The following MCPH1 variants were observed in gnomAD, a reference collection of about 807,000 sequenced individuals.
MCPH1 encodes the protein microcephalin 1, also known as microcephalin.
MCPH1 carries 104 observed loss-of-function variants against 84.5 expected under a neutral mutation model. That is an observed-to-expected ratio of 1.23 (90% CI 1.05 to 1.45). The LOEUF is 1.45. Among genes scored for constraint, MCPH1 ranks in the 40% most tolerant of loss-of-function variants. The pLI is 0.00. For missense variants in MCPH1, 1,498 were observed against 1,005.7 expected (o/e 1.49, Z -6.62); for synonymous variants, 514 against 366.8 (o/e 1.40, Z -4.58).
At chr8:6,507,176 G>A (rs1243692001) in intron 12 of MCPH1, among the ~76,000 whole-genome samples, 1 of 152,206 alleles carries the variant, frequency 6.6e-6, no homozygotes, top group African/African-American at 2.4e-5. Flanking sequence ...GGGATTACAA[G>A]CGGGGGCCAC....
intron 13 of MCPH1, among the ~76,000 whole-genome samples, chr8:6,636,456 A>G (rs1397343495): frequency 3.9e-5 from 6 of 152,106 alleles, no homozygotes; most frequent in African/African-American, 7.2e-5. Context: ...TTCCATGTAC[A>G]CAGACTTTGT....
At chr8:6,622,960 C>T (rs969486512) in intron 13 of MCPH1, among the ~76,000 whole-genome samples, 4 of 151,990 alleles carry the variant, frequency 2.6e-5, no homozygotes, top group Non-Finnish European at 5.9e-5. Flanking sequence ...CCTGCCTCAG[C>T]CTCCCAAGTA....
chr8:6,471,423 A>G (rs1807699228), intron 9 of MCPH1, among the ~76,000 whole-genome samples: 1 of 152,210 alleles, frequency 6.6e-6, no homozygotes, highest in South Asian at 2.1e-4. Flanking sequence ...ACAGTTTCAC[A>G]ATTCTGGAGG....
Position 6,477,182 on chromosome 8 carries a change from C to T in MCPH1, c.1936-412C>T, listed in dbSNP as rs1808582459. On this transcript the variant is annotated intron_variant, in intron 9 of 13. Transcript: ENST00000344683. The stretch of plus-strand genomic sequence containing the variant: ...CAACAGAAGCACAAGCATTATTGTG[C>T]ACCTGTGTCTGAAATGAGAATGAGG... 1.6e-5 allele frequency: 3 copies of T among 184,032 alleles called. 1 individual carries two copies. The South Asian group carries it at 3.7e-4, about 23-fold the overall frequency. 11.4% of individuals were successfully genotyped at this position (184,032 alleles called of 1,614,324 possible). A position where few individuals can be genotyped will look rare whatever the true frequency, so the allele number is the denominator to read the frequency against.
chr8:6,509,947 C>G (rs1279105643), intron 12 of MCPH1, among the ~76,000 whole-genome samples: 1 of 152,178 alleles, frequency 6.6e-6, no homozygotes, highest in African/African-American at 2.4e-5. Context: ...CATCGTGCCA[C>G]ATATCACTAG....
rs747252085 is a variant in MCPH1, at chr8:6,445,024, G to C, written c.1302G>C (p.Gln434His). ...CAGAGAATCTTCCTCCTGAATCTCA[G>C]CTGCCATCAAGCCCTGCTCAGTTGA... Reference protein sequence around the residue: ...RYSENLPPESQLPSSPAQLSC... With the variant: ...RYSENLPPESHLPSSPAQLSC... Residue 434 changes from glutamine (Q) to histidine (H), a missense_variant, in exon 8 of 14, where the codon CAG (glutamine) becomes CAC (histidine). Gln to His is a conservative substitution (Grantham distance 24). Coordinates refer to ENST00000344683, the MANE Select transcript of MCPH1 (RefSeq NM_024596.5). The C allele has an allele frequency of 6.2e-7, 1 of 1,614,190 alleles. No individual in the cohort carries two copies. Among genetic ancestry groups the C allele is most frequent in the South Asian group, 1.1e-5 (1 of 91,080 alleles).
At chr8:6,613,620 G>A (rs748309791) in intron 12 of MCPH1, among the ~76,000 whole-genome samples, 9 of 151,976 alleles carry the variant, frequency 5.9e-5, no homozygotes, top group Non-Finnish European at 1.3e-4. Flanking sequence ...GAGCCCAAGG[G>A]ACCGGGGGGT....
At chr8:6,604,742 G>A (rs3020251) in intron 12 of MCPH1, among the ~76,000 whole-genome samples, 3 of 152,214 alleles carry the variant, frequency 2.0e-5, no homozygotes, top group Non-Finnish European at 2.9e-5. Context: ...TGACCTCAGG[G>A]GATCTGCCTG....
chr8:6,413,109 A>G (rs1202345428), intron 2 of MCPH1, among the ~76,000 whole-genome samples: 1 of 152,172 alleles, frequency 6.6e-6, no homozygotes, highest in East Asian at 1.9e-4. Context: ...AAAATTTTTG[A>G]CACCATGAGT....
At chr8:6,579,754 C>T (rs1195545146) in intron 12 of MCPH1, among the ~76,000 whole-genome samples, 8 of 152,186 alleles carry the variant, frequency 5.3e-5, no homozygotes, top group Admixed American at 1.3e-4. Context: ...AGCCCCAAAG[C>T]ACGTGTCGCC....
At chr8:6,628,381 G>C (rs1024607120) in intron 13 of MCPH1, among the ~76,000 whole-genome samples, 1 of 141,982 alleles carries the variant, frequency 7.0e-6, no homozygotes, top group Middle Eastern at 3.7e-3. Flanking sequence ...TGAGGCAGGA[G>C]AATGCATGAA....
rs1473584722 is a variant in MCPH1 at position 6,445,342 on chromosome 8, T to C, written c.1620T>C (p.Asp540=). 1 of 1,614,232 alleles carries C rather than the reference T, an allele frequency of 6.2e-7. No individual in the cohort carries two copies. Among genetic ancestry groups the C allele is most frequent in the Non-Finnish European group, 8.5e-7 (1 of 1,180,044 alleles). The part of the protein sequence containing the change: ...EDPALPKGHD[D]DLTPLEGSLE... ...CTGCTCTTCCAAAAGGACATGATGATGATTTAACTCCTTTGGAAGGAAGCC... is the reference window on the plus strand; with the variant it reads ...CTGCTCTTCCAAAAGGACATGATGACGATTTAACTCCTTTGGAAGGAAGCC... The change falls in exon 8 of 14, where the codon GAT becomes GAC. Residue 540 remains aspartate, a synonymous_variant. Coordinates refer to ENST00000344683, the MANE Select transcript of MCPH1 (RefSeq NM_024596.5).
chr8:6,580,659 A>C (rs1827495599), intron 12 of MCPH1, among the ~76,000 whole-genome samples: 1 of 152,102 alleles, frequency 6.6e-6, no homozygotes, highest in South Asian at 2.1e-4. Context: ...TCAACCACAA[A>C]AACAAAAACA....
intron 12 of MCPH1, among the ~76,000 whole-genome samples, chr8:6,544,071 C>T (rs1257402830): frequency 6.6e-6 from 1 of 152,152 alleles, no homozygotes; most frequent in East Asian, 1.9e-4. Context: ...TATTCAATAC[C>T]TAGATGATGT....
chr8:6,647,840 T>A lies in MCPH1; in HGVS notation c.*4791T>A, dbSNP rs1798286613. 6.6e-6 allele frequency: 1 copy of A among 152,204 alleles called. No individual in the cohort carries two copies. Among genetic ancestry groups the A allele is most frequent in the African/African-American group, 2.4e-5 (1 of 41,448 alleles). 9.4% of individuals were successfully genotyped at this position (152,204 alleles called of 1,614,324 possible). On this transcript the variant is annotated 3_prime_UTR_variant, in exon 14 of 14. Coordinates refer to ENST00000344683, the MANE Select transcript of MCPH1 (RefSeq NM_024596.5). The stretch of plus-strand genomic sequence containing the variant: ...TTGTGATTTTGGTTACACAACTGTA[T>A]ACATTTACTAAAATCAATGAACAGA...
At chr8:6,571,118 T>A (rs1267396631) in intron 12 of MCPH1, among the ~76,000 whole-genome samples, 1 of 151,962 alleles carries the variant, frequency 6.6e-6, no homozygotes, top group Non-Finnish European at 1.5e-5. Flanking sequence ...TATCTTCCCA[T>A]CAAAAAAATG....
chr8:6,632,676 GCA>G (rs1797253702), intron 13 of MCPH1, among the ~76,000 whole-genome samples: 1 of 152,106 alleles, frequency 6.6e-6, no homozygotes, highest in Non-Finnish European at 1.5e-5. Flanking sequence ...GGCCGTGGTG[GCA>G]CGTGCCTGTA....
chr8:6,616,128 C>T (rs1232403544), intron 12 of MCPH1: 1 of 152,150 alleles, frequency 6.6e-6, no homozygotes, highest in Non-Finnish European at 1.5e-5. Flanking sequence ...GCGAGTATTT[C>T]CTGGACCACT....
intron 12 of MCPH1, chr8:6,532,328 T>G (rs767497416): frequency 3.1e-6 from 5 of 1,614,062 alleles, no homozygotes; most frequent in African/African-American, 2.7e-5. Context: ...GTGGCATTAC[T>G]TACTTGGGCT....
Sources: gnomAD v4.1 joint callset for allele counts (sites outside exome capture counted in the v4.1 genomes callset) on GRCh38, gnomAD v4.1.1 for gene constraint, MANE v1.5 for transcripts, NCBI Gene and HGNC (gene_info 2026-07-23, HGNC 2026-07-21) for gene names.